KHDRBS2: variants seen among roughly 807,000 people sequenced by gnomAD.
KHDRBS2 encodes the protein KH domain-containing, RNA-binding, signal transduction-associated protein 2.
In KHDRBS2, 26 loss-of-function variants were observed where a neutral mutation model predicts 44.3. The ratio of observed to expected loss-of-function variants is 0.59; its 90% CI spans 0.43 to 0.81. KHDRBS2 has a LOEUF of 0.81. KHDRBS2 is among the 40% of genes least tolerant of loss of function. KHDRBS2 has a pLI of 0.00. For missense variants in KHDRBS2, 476 were observed against 433.1 expected (o/e 1.10, Z -0.88); for synonymous variants, 194 against 151.1 (o/e 1.28, Z -2.08).
intron 1 of KHDRBS2, among the ~76,000 whole-genome samples, chr6:62,219,930 T>C (rs1830613287): frequency 1.4e-5 from 2 of 147,546 alleles, no homozygotes; most frequent in African/African-American, 2.5e-5. Context: ...ATTATATATA[T>C]ATATTAATAG....
the KHDRBS2 span, among the ~76,000 whole-genome samples, chr6:61,617,686 A>C: frequency 6.6e-6 from 1 of 152,166 alleles, no homozygotes; most frequent in Non-Finnish European, 1.5e-5. Context: ...GCATGTTCAT[A>C]GCATACCTCA....
chr6:62,127,897 C>A (rs965716377), intron 2 of KHDRBS2, among the ~76,000 whole-genome samples: 3 of 152,116 alleles, frequency 2.0e-5, no homozygotes, highest in African/African-American at 7.2e-5. Context: ...TTCAATCATG[C>A]AATTATCAAT....
At chr6:62,059,332 GA>G (rs1791144506) in intron 2 of KHDRBS2, among the ~76,000 whole-genome samples, 1 of 148,520 alleles carries the variant, frequency 6.7e-6, no homozygotes, top group South Asian at 2.1e-4. Context: ...ATATGGGGCA[GA>G]TGTAGTGGAG....
chr6:61,792,862 T>C (rs1008345488), intron 6 of KHDRBS2, among the ~76,000 whole-genome samples: 3 of 151,946 alleles, frequency 2.0e-5, no homozygotes, highest in Non-Finnish European at 4.4e-5. Context: ...AATGCAACTT[T>C]AATTAAAATT....
intron 3 of KHDRBS2, among the ~76,000 whole-genome samples, chr6:62,008,740 A>T (rs1779741052): frequency 6.6e-6 from 1 of 152,080 alleles, no homozygotes. Flanking sequence ...GCCTCACAAG[A>T]TCTGGTGGTT....
chr6:62,173,738 C>T (rs1345608363), intron 2 of KHDRBS2, among the ~76,000 whole-genome samples: 1 of 152,008 alleles, frequency 6.6e-6, no homozygotes, highest in African/African-American at 2.4e-5. Flanking sequence ...TAGGCTTTAT[C>T]CCTGAGAAGC....
At chr6:61,582,672 C>T in the KHDRBS2 span, among the ~76,000 whole-genome samples, 1 of 145,134 alleles carries the variant, frequency 6.9e-6, no homozygotes, top group Non-Finnish European at 1.5e-5. Context: ...TCTTCATATT[C>T]CTTATGGTAG....
chr6:61,857,167 T>C (rs1460708049), intron 6 of KHDRBS2, among the ~76,000 whole-genome samples: 3 of 152,112 alleles, frequency 2.0e-5, no homozygotes, highest in Admixed American at 6.6e-5. Flanking sequence ...CTTTTTAAGA[T>C]TCATGGATTT....
intron 2 of KHDRBS2, among the ~76,000 whole-genome samples, chr6:62,162,333 G>T (rs1331899188): frequency 6.6e-6 from 1 of 152,008 alleles, no homozygotes; most frequent in Non-Finnish European, 1.5e-5. Context: ...TACTTTTAAA[G>T]AACAGTTTTG....
Position 62,061,848 on chromosome 6 carries a change from T to A in KHDRBS2, c.220-13854A>T, listed in dbSNP as rs1283063097. Among the ~76,000 whole-genome samples the A allele has an allele frequency of 2.0e-5, 3 of 149,554 alleles. No homozygotes were observed. The Admixed American group carries it at 2.0e-4, about 10-fold the overall frequency. ...GATTTGGTCTTTTCACATAGTCCCA[T>A]ATTTCTTGGAGGCTTTGCTCATTTC... is the stretch of plus-strand genomic sequence containing the variant. On this transcript the variant is annotated intron_variant, in intron 2 of 8. Coordinates refer to ENST00000281156, the MANE Select transcript of KHDRBS2 (RefSeq NM_152688.4).
At chr6:62,012,326 C>T (rs1780454424) in intron 3 of KHDRBS2, among the ~76,000 whole-genome samples, 1 of 152,112 alleles carries the variant, frequency 6.6e-6, no homozygotes, top group East Asian at 1.9e-4. Flanking sequence ...GCTTCTAGTC[C>T]AAGTCACTAG....
chr6:61,725,181 T>G (rs1345369782), intron 7 of KHDRBS2, among the ~76,000 whole-genome samples: 3 of 152,194 alleles, frequency 2.0e-5, no homozygotes, highest in Admixed American at 2.0e-4. Flanking sequence ...ACATGGAAAT[T>G]GAACAACTGA....
chr6:61,626,656 T>C, the KHDRBS2 span, among the ~76,000 whole-genome samples: 1 of 152,244 alleles, frequency 6.6e-6, no homozygotes, highest in Non-Finnish European at 1.5e-5. Context: ...GTTATTTCTA[T>C]TCAAGATGAA....
intron 6 of KHDRBS2, among the ~76,000 whole-genome samples, chr6:61,843,346 T>TATC (rs934084868): frequency 8.2e-6 from 1 of 122,016 alleles, no homozygotes; most frequent in Non-Finnish European, 1.7e-5. Context: ...TCTATTTTAT[T>TATC]ATTATTATTA....
chr6:62,214,990 T>TAA (rs58950972), intron 1 of KHDRBS2, among the ~76,000 whole-genome samples: 1 of 151,418 alleles, frequency 6.6e-6, no homozygotes, highest in South Asian at 2.1e-4. Context: ...AGACATAAGA[T>TAA]AAAAAAATTT....
chr6:61,999,640 T>C (rs918393749), intron 3 of KHDRBS2, among the ~76,000 whole-genome samples: 2 of 152,108 alleles, frequency 1.3e-5, no homozygotes, highest in Non-Finnish European at 2.9e-5. Flanking sequence ...ACAATTTGCA[T>C]AAATTTCACT....
intron 6 of KHDRBS2, among the ~76,000 whole-genome samples, chr6:61,783,157 T>G (rs1256937007): frequency 1.3e-5 from 2 of 152,120 alleles, no homozygotes; most frequent in Non-Finnish European, 2.9e-5. Context: ...CACATCACTT[T>G]CTTAGAAACA....
intron 3 of KHDRBS2, among the ~76,000 whole-genome samples, chr6:62,021,871 CA>C (rs1782383336): frequency 6.7e-6 from 1 of 150,370 alleles, no homozygotes; most frequent in Non-Finnish European, 1.5e-5. Context: ...TGTCTTTTTT[CA>C]AAATTTAAAG....
chr6:62,079,287 A>AAC (rs1188983423), intron 2 of KHDRBS2, among the ~76,000 whole-genome samples: 2 of 151,906 alleles, frequency 1.3e-5, no homozygotes, highest in African/African-American at 4.8e-5. Context: ...TTTACATGTT[A>AAC]ATCTTTCTTG....
Sources: allele counts gnomAD v4.1 joint callset (sites outside exome capture counted in the v4.1 genomes callset), GRCh38; gene constraint gnomAD v4.1.1; transcripts MANE v1.5; gene names NCBI Gene and HGNC (gene_info 2026-07-23, HGNC 2026-07-21).